SYT1: variants seen among roughly 807,000 people sequenced by gnomAD.
The protein encoded by SYT1 is synaptotagmin 1.
Under a neutral mutation model 44.8 loss-of-function variants are expected in SYT1, and 8 were observed. The observed-to-expected ratio is 0.18, with a 90% CI of 0.10 to 0.32. The LOEUF (loss-of-function observed/expected upper bound fraction) is 0.32, where lower values mean the gene tolerates loss of function less well. Ranked by LOEUF, SYT1 falls within the 10% of genes least tolerant of loss-of-function variation. SYT1 has a pLI of 1.00. For missense variants in SYT1, 286 were observed against 509.3 expected (o/e 0.56, Z 4.22); for synonymous variants, 154 against 188.8 (o/e 0.82, Z 1.51).
intron 1 of SYT1, among the ~76,000 whole-genome samples, chr12:78,871,920 C>T (rs1873841205): frequency 6.6e-6 from 1 of 151,568 alleles, no homozygotes; most frequent in Non-Finnish European, 1.5e-5. Context: ...TGTTCAGAAT[C>T]CGAGGCCACA....
intron 3 of SYT1, among the ~76,000 whole-genome samples, chr12:79,175,714 T>C (rs1359718518): frequency 6.6e-6 from 1 of 152,054 alleles, no homozygotes; most frequent in Admixed American, 6.6e-5. Flanking sequence ...CATCATCTTA[T>C]CATCATTTGT....
At chr12:79,383,906 G>A (rs190034675) in intron 9 of SYT1, among the ~76,000 whole-genome samples, 41 of 152,192 alleles carry the variant, frequency 2.7e-4, no homozygotes, top group African/African-American at 8.4e-4. Flanking sequence ...GAAAAATGGC[G>A]CCAACCATAT....
chr12:79,241,165 C>A (rs1876485958), intron 4 of SYT1, among the ~76,000 whole-genome samples: 1 of 152,100 alleles, frequency 6.6e-6, no homozygotes. Context: ...CAGAGTGAAA[C>A]CCTGTCTCAA....
At chr12:79,288,978 A>T (rs940715529) in intron 5 of SYT1, among the ~76,000 whole-genome samples, 1 of 152,138 alleles carries the variant, frequency 6.6e-6, no homozygotes, top group African/African-American at 2.4e-5. Flanking sequence ...TTTTTTAAAG[A>T]TAAGGTGTTC....
At chr12:79,262,005 T>A (rs1877855412) in intron 4 of SYT1, among the ~76,000 whole-genome samples, 2 of 152,172 alleles carry the variant, frequency 1.3e-5, no homozygotes, top group Non-Finnish European at 2.9e-5. Context: ...TATACTGACA[T>A]AGTGCCAAAA....
At chr12:79,045,280 G>C (rs1408525883) in intron 2 of SYT1, among the ~76,000 whole-genome samples, 1 of 152,204 alleles carries the variant, frequency 6.6e-6, no homozygotes, top group East Asian at 1.9e-4. Flanking sequence ...GAGACTACGT[G>C]GGCGTAGGAC....
At chr12:79,112,509 T>C (rs1275297893) in intron 3 of SYT1, among the ~76,000 whole-genome samples, 1 of 152,078 alleles carries the variant, frequency 6.6e-6, no homozygotes, top group Non-Finnish European at 1.5e-5. Flanking sequence ...AATGACATTA[T>C]TGGAGGTGGG....
chr12:79,004,132 C>T (rs1306245396), intron 2 of SYT1, among the ~76,000 whole-genome samples: 1 of 151,774 alleles, frequency 6.6e-6, no homozygotes, highest in Non-Finnish European at 1.5e-5. Context: ...AATGAAAAAA[C>T]ATTCATATTC....
chr12:79,316,074 G>C (rs1280937729), intron 8 of SYT1, among the ~76,000 whole-genome samples: 2 of 152,160 alleles, frequency 1.3e-5, no homozygotes, highest in Non-Finnish European at 2.9e-5. Context: ...TAAGTGTACA[G>C]TTCAATGAGT....
rs1875807774 is a variant in SYT1, at chr12:79,230,506, C to T, written c.166+12821C>T. On this transcript the variant is annotated intron_variant, in intron 4 of 10. Coordinates refer to ENST00000261205, the MANE Select transcript of SYT1 (RefSeq NM_005639.3). ...TTATATTCTTATTTACACTTTGAGA[C>T]AGAAAAAAAGGAATATTATAAAATA... Among the ~76,000 whole-genome samples the T allele has an allele frequency of 2.0e-5, 3 of 151,716 alleles. No homozygotes were observed. In the South Asian group the frequency reaches 6.2e-4, roughly 32 times the overall value.
At chr12:79,144,608 T>C (rs1364521496) in intron 3 of SYT1, among the ~76,000 whole-genome samples, 1 of 152,110 alleles carries the variant, frequency 6.6e-6, no homozygotes, top group East Asian at 1.9e-4. Flanking sequence ...ACAAGACCCA[T>C]CATCTGGGTC....
chr12:79,208,251 C>T (rs1163158685), intron 3 of SYT1, among the ~76,000 whole-genome samples: 2 of 152,056 alleles, frequency 1.3e-5, no homozygotes, highest in Non-Finnish European at 2.9e-5. Context: ...ATTGTGGGGG[C>T]ATATTTGAGT....
At chr12:79,307,643 G>A (rs1365713416) in intron 8 of SYT1, among the ~76,000 whole-genome samples, 2 of 151,422 alleles carry the variant, frequency 1.3e-5, no homozygotes, top group East Asian at 3.9e-4. Context: ...GGCGTGGGGG[G>A]GGGCGGCAGG....
chr12:78,977,280 G>A (rs1565745661), intron 1 of SYT1, among the ~76,000 whole-genome samples: 1 of 152,112 alleles, frequency 6.6e-6, no homozygotes, highest in Non-Finnish European at 1.5e-5. Flanking sequence ...TATTAGCACT[G>A]CTGCAGCTGC....
At chr12:78,980,660 C>G (rs1333940576) in intron 2 of SYT1, among the ~76,000 whole-genome samples, 1 of 151,836 alleles carries the variant, frequency 6.6e-6, no homozygotes, top group Non-Finnish European at 1.5e-5. Context: ...TTATGAAATC[C>G]ACAACATTAT....
At chr12:79,026,667 T>TTATATATATATATATATATATATA (rs3064320) in intron 2 of SYT1, among the ~76,000 whole-genome samples, 3 of 102,280 alleles carry the variant, frequency 2.9e-5, no homozygotes, top group Non-Finnish European at 3.9e-5. Context: ...CATATATATT[T>TTATATATATATATATATATATATA]TATATATATA....
intron 2 of SYT1, among the ~76,000 whole-genome samples, chr12:78,983,675 A>G (rs1869432566): frequency 6.6e-6 from 1 of 152,192 alleles, no homozygotes; most frequent in African/African-American, 2.4e-5. Flanking sequence ...ATGTCTGAAT[A>G]CACATCTTGA....
At chr12:79,048,322 A>G in intron 3 of SYT1, among the ~76,000 whole-genome samples, 1 of 151,922 alleles carries the variant, frequency 6.6e-6, no homozygotes, top group Non-Finnish European at 1.5e-5. Context: ...GATATATACA[A>G]ATTATTCCTG....
intron 4 of SYT1, among the ~76,000 whole-genome samples, chr12:79,240,336 T>A (rs1449470024): frequency 6.6e-6 from 1 of 152,210 alleles, no homozygotes; most frequent in African/African-American, 2.4e-5. Context: ...TCCTTCTTAT[T>A]CTCATTTTCT....
Sources: allele counts gnomAD v4.1 joint callset (sites outside exome capture counted in the v4.1 genomes callset), GRCh38; gene constraint gnomAD v4.1.1; transcripts MANE v1.5; gene names NCBI Gene and HGNC (gene_info 2026-07-23, HGNC 2026-07-21).